Variants in CMSS1 observed in about 807,000 individuals in gnomAD.
CMSS1 encodes the protein protein CMSS1.
Under a neutral mutation model 43.5 loss-of-function variants are expected in CMSS1, and 33 were observed. The observed-to-expected ratio is 0.76, with a 90% confidence interval of 0.57 to 1.01. The LOEUF (loss-of-function observed/expected upper bound fraction) is 1.01. Among genes scored for constraint, CMSS1 ranks in the 50% least tolerant of loss-of-function variants. The pLI, the probability that CMSS1 is intolerant of heterozygous loss-of-function variation, is 0.00. For missense variants in CMSS1, 313 were observed against 326.4 expected, an observed-to-expected ratio of 0.96 and a Z score of 0.32; for synonymous variants, 115 against 117.2, an observed-to-expected ratio of 0.98 and a Z score of 0.12.
At chr3:100,175,006 AAC>A (rs1314988801) in intron 8 of CMSS1, among the ~76,000 whole-genome samples, 1 of 152,198 alleles carries the variant, frequency 6.6e-6, no homozygotes, top group Non-Finnish European at 1.5e-5. Flanking sequence ...ATAACTTTAT[AAC>A]CTACCTTTTT....
chr3:99,869,872 T>G (rs1263304884), intron 1 of CMSS1, among the ~76,000 whole-genome samples: 1 of 152,226 alleles, frequency 6.6e-6, no homozygotes, highest in Non-Finnish European at 1.5e-5. Context: ...GCAGATTTGC[T>G]TCTGTCAGGG....
At chr3:99,927,029 C>T (rs1003695940) in intron 1 of CMSS1, among the ~76,000 whole-genome samples, 2 of 152,178 alleles carry the variant, frequency 1.3e-5, no homozygotes, top group African/African-American at 4.8e-5. Context: ...AACCTCCTGC[C>T]ACCTTGGCCC....
intron 1 of CMSS1, among the ~76,000 whole-genome samples, chr3:99,847,386 T>C (rs936420011): frequency 1.5e-4 from 23 of 151,926 alleles, no homozygotes; most frequent in Non-Finnish European, 2.6e-4. Flanking sequence ...GTTCAAGAGT[T>C]TATGTCACAG....
chr3:99,912,370 T>C (rs1350207238), intron 1 of CMSS1, among the ~76,000 whole-genome samples: 1 of 152,146 alleles, frequency 6.6e-6, no homozygotes, highest in African/African-American at 2.4e-5. Context: ...ACAGGGCTGC[T>C]GCTTCTTTTT....
At chr3:99,849,359 T>C in intron 1 of CMSS1, 1 of 1,614,120 alleles carries the variant, frequency 6.2e-7, no homozygotes, top group Non-Finnish European at 8.5e-7. Context: ...TGCCGGTACC[T>C]CTCTAACTCC....
intron 1 of CMSS1, among the ~76,000 whole-genome samples, chr3:99,831,141 A>T (rs1372966563): frequency 1.3e-5 from 2 of 152,222 alleles, no homozygotes; most frequent in Non-Finnish European, 2.9e-5. Flanking sequence ...TGATTTTAGC[A>T]TTGTTTATAA....
chr3:99,832,522 G>A (rs113806973), intron 1 of CMSS1, among the ~76,000 whole-genome samples: 1,296 of 127,878 alleles, frequency 0.01, 29 homozygotes, highest in African/African-American at 0.036. Flanking sequence ...GAGCCACTGC[G>A]CCCAGCCATT....
chr3:100,172,564 A>G (rs1044618946), intron 8 of CMSS1, among the ~76,000 whole-genome samples, 161 bp downstream of exon 8: 9 of 152,234 alleles, frequency 5.9e-5, no homozygotes, highest in African/African-American at 2.2e-4. Flanking sequence ...ACCAGCAAGT[A>G]TAGCACAATA....
intron 1 of CMSS1, among the ~76,000 whole-genome samples, chr3:99,946,741 A>G (rs745696711): frequency 1.3e-5 from 2 of 152,206 alleles, no homozygotes; most frequent in African/African-American, 2.4e-5. Context: ...CTGAATCCAC[A>G]GTATTCTTAT....
At chr3:99,963,757 A>C (rs1708563359) in intron 1 of CMSS1, among the ~76,000 whole-genome samples, 1 of 152,000 alleles carries the variant, frequency 6.6e-6, no homozygotes, top group African/African-American at 2.4e-5. Context: ...GCTGGGGATT[A>C]CAGGCACACG....
intron 1 of CMSS1, among the ~76,000 whole-genome samples, chr3:100,032,819 T>C (rs879860920): frequency 3.9e-5 from 6 of 152,182 alleles, no homozygotes; most frequent in African/African-American, 1.4e-4. Flanking sequence ...ATGACACTTA[T>C]GACAATGATA....
chr3:100,126,561 G>A (rs2066663585), intron 1 of CMSS1, among the ~76,000 whole-genome samples: 1 of 151,984 alleles, frequency 6.6e-6, no homozygotes, highest in South Asian at 2.1e-4. Flanking sequence ...ATTAATTTCA[G>A]GTCCAATTCT....
chr3:100,123,133 T>C (rs1324221729), intron 1 of CMSS1, among the ~76,000 whole-genome samples: 1 of 152,136 alleles, frequency 6.6e-6, no homozygotes, highest in African/African-American at 2.4e-5. Flanking sequence ...AGTGCTGTAA[T>C]AGAAAGGAAG....
chr3:99,823,454 A>G (rs1000270768), intron 1 of CMSS1, among the ~76,000 whole-genome samples: 2 of 152,252 alleles, frequency 1.3e-5, no homozygotes, highest in Non-Finnish European at 2.9e-5. Context: ...AAGGCCTAGC[A>G]GTATTCTGAT....
At chr3:100,131,042 T>C (rs2066702188) in intron 1 of CMSS1, among the ~76,000 whole-genome samples, 1 of 152,212 alleles carries the variant, frequency 6.6e-6, no homozygotes, top group Non-Finnish European at 1.5e-5. Flanking sequence ...AGTGAGGTAA[T>C]GGTTATGATG....
chr3:99,818,115 T>C, intron 1 of CMSS1, 72 bp downstream of exon 1: 1 of 1,466,184 alleles, frequency 6.8e-7, no homozygotes, highest in Non-Finnish European at 9.4e-7. Flanking sequence ...CCCTGGTCGC[T>C]TCTGGCGATC....
chr3:100,059,983 A>G (rs558011338), intron 1 of CMSS1, among the ~76,000 whole-genome samples: 2 of 150,030 alleles, frequency 1.3e-5, no homozygotes, highest in Admixed American at 6.7e-5. Context: ...TTAATTTAAA[A>G]TGTGACCCAT....
intron 1 of CMSS1, among the ~76,000 whole-genome samples, chr3:99,819,904 G>A (rs547728430): frequency 5.9e-5 from 9 of 151,748 alleles, no homozygotes; most frequent in Admixed American, 1.3e-4. Flanking sequence ...ACAGGTGCCC[G>A]CCACCACACC....
At chr3:99,948,356 T>A (rs905472565) in intron 1 of CMSS1, among the ~76,000 whole-genome samples, 9 of 151,812 alleles carry the variant, frequency 5.9e-5, no homozygotes, top group East Asian at 1.9e-4. Context: ...AAAAATTTTT[T>A]AAAAATTAAG....
Sources: allele counts gnomAD v4.1 joint callset (sites outside exome capture counted in the v4.1 genomes callset), GRCh38; gene constraint gnomAD v4.1.1; transcripts MANE v1.5; gene names NCBI Gene and HGNC (gene_info 2026-07-23, HGNC 2026-07-21).